The following SMC3 variants were observed in gnomAD, a reference collection of about 807,000 sequenced individuals.
SMC3 encodes structural maintenance of chromosomes 3.
In SMC3, 20 loss-of-function variants were observed where a neutral mutation model predicts 171.8. The observed-to-expected ratio is 0.12, with a 90% CI of 0.08 to 0.17. SMC3 has a LOEUF of 0.17. SMC3 is among the 10% of genes least tolerant of loss of function. SMC3 has a pLI of 1.00. For synonymous variants in SMC3, 464 were observed against 451.1 expected (o/e 1.03, Z -0.36); for missense variants, 543 against 1,420.4 (o/e 0.38, Z 9.93).
At chr10:110,595,368 T>C (rs761562251) in intron 18 of SMC3, among the ~76,000 whole-genome samples, 14 of 152,208 alleles carry the variant, frequency 9.2e-5, no homozygotes, top group Non-Finnish European at 1.6e-4. Flanking sequence ...ATTTGTCTTA[T>C]TGCTTCCTCA....
chr10:110,594,113 G>C (rs1053747187), intron 18 of SMC3, among the ~76,000 whole-genome samples: 7 of 152,112 alleles, frequency 4.6e-5, no homozygotes, highest in Non-Finnish European at 1.0e-4. Context: ...TGATCATATA[G>C]CAGGGGTTCT....
Position 110,601,154 on chromosome 10 carries a change from T to C in SMC3, c.2644+24T>C, listed in dbSNP as rs188070109. The C allele has an allele frequency of 1.1e-3, 1,625 of 1,521,186 alleles. 16 individuals carry two copies. Among genetic ancestry groups the C allele is most frequent in the Non-Finnish European group, 5.0e-4 (547 of 1,095,450 alleles). The allele number at this position is 1,521,186 out of a possible 1,614,324, so 94.2% of individuals were successfully genotyped here. On this transcript the variant is annotated intron_variant, in intron 23 of 28. Transcript: ENST00000361804. ...AGGTGAATTTTTATGTAGTAAAATT[T>C]TGTTTATATGCATGTTTTATAAAAT...
intron 19 of SMC3, among the ~76,000 whole-genome samples, chr10:110,597,071 G>A (rs1451578218): frequency 6.6e-6 from 1 of 151,788 alleles, no homozygotes; most frequent in Non-Finnish European, 1.5e-5. Context: ...TTGAGCCTGG[G>A]AGGTGGAGGT....
In SMC3 at chr10:110,577,936, A is replaced by T. The variant is rs201779371; in HGVS notation, c.350+22A>T. The T allele has an allele frequency of 2.0e-4, 302 of 1,490,504 alleles. 2 individuals are homozygous for T. The East Asian group carries it at 6.2e-3, about 31-fold the overall frequency. 92.3% of individuals were successfully genotyped at this position (1,490,504 alleles called of 1,614,324 possible). The stretch of plus-strand genomic sequence containing the variant: ...TCACGTAAGCATTTTTCTTTTTTTT[A>T]AAAAAACTGAATATGTACTTAAATA... On this transcript the variant is annotated intron_variant, in intron 6 of 28. Transcript: ENST00000361804.
At chr10:110,601,189 C>A in intron 23 of SMC3, 59 bp downstream of exon 23, 2 of 1,207,020 alleles carry the variant, frequency 1.7e-6, no homozygotes, top group Non-Finnish European at 2.5e-6. Flanking sequence ...TTGTTTACTA[C>A]AGAATGAAAT....
At chr10:110,599,069 A>G (rs1211418596) in intron 20 of SMC3, among the ~76,000 whole-genome samples, 2 of 151,742 alleles carry the variant, frequency 1.3e-5, no homozygotes, top group Non-Finnish European at 2.9e-5. Context: ...ATGTGCCTAC[A>G]GTTGTACCAT....
At position 110,584,392 on chromosome 10, in the gene SMC3, A is replaced by G. The variant is rs748720164; in HGVS notation, c.1301A>G (p.Tyr434Cys). The G allele has an allele frequency of 1.2e-6, 2 of 1,606,544 alleles. No individual in the cohort carries two copies. The highest frequency in any genetic ancestry group is 1.7e-5 in the Admixed American group (1 of 59,906). Residue 434 changes from tyrosine (Y) to cysteine (C), a missense_variant, in exon 13 of 29, where the codon TAT becomes TGT. By Grantham distance (194) the Tyr-to-Cys change is radical. This residue lies in a region of SMC3 where 218 missense variants were observed against 509.6 expected (regional missense o/e 0.43). Transcript: ENST00000361804. ...EANKEKNLEQ[Y>C]NKLDQDLNEV... ...AATAAAGAGAAAAATCTGGAGCAGT[A>G]TAATGTAAGAACTTCTATAGCTGCT...
intron 2 of SMC3, among the ~76,000 whole-genome samples, chr10:110,572,979 A>T (rs999376575): frequency 2.0e-5 from 3 of 152,240 alleles, no homozygotes; most frequent in South Asian, 2.1e-4. Context: ...TGTGTCTGTC[A>T]TATGCGTTTT....
chr10:110,599,571 A>G (rs917859514), intron 20 of SMC3, 83 bp from the exon 21 acceptor site: 2 of 1,275,594 alleles, frequency 1.6e-6, no homozygotes, highest in South Asian at 1.4e-5. Flanking sequence ...ATTTAGCTCA[A>G]TCAAATATAG....
chr10:110,577,816 CT>C lies in SMC3; in HGVS notation c.271-15del. On this transcript the variant is annotated intron_variant, in intron 5 of 28. Coordinates refer to ENST00000361804, the MANE Select transcript of SMC3 (RefSeq NM_005445.4). ...CCTTTACTATTAAATTAACTGTGGG[CT>C]TTTACATTTTTTCTTAGATCGATAA... 6.4e-7 allele frequency: 1 copy of C among 1,563,782 alleles called. No individual in the cohort carries two copies.
chr10:110,585,793 T>G (rs1255797144), intron 13 of SMC3, among the ~76,000 whole-genome samples: 1 of 151,798 alleles, frequency 6.6e-6, no homozygotes, highest in African/African-American at 2.4e-5. Context: ...ATATAATTAT[T>G]TGTCCCTAAT....
intron 2 of SMC3, among the ~76,000 whole-genome samples, chr10:110,573,129 G>A (rs2134713061): frequency 6.6e-6 from 1 of 152,160 alleles, no homozygotes; most frequent in Non-Finnish European, 1.5e-5. Flanking sequence ...TTATTTATGA[G>A]TCTTAACACT....
rs1222413620 is a variant in SMC3, at chr10:110,601,109, G to T, written c.2623G>T (p.Asp875Tyr). ...TGAAGCCATCAATAAAAGAGTAAAA[G>T]ACACTATGGCACGATCAGAAGGTGA... The part of the protein sequence containing the change: ...ELEAINKRVK[D>Y]TMARSEDLDN... The change falls in exon 23 of 29, where the codon GAC becomes TAC. Residue 875 changes from aspartate (D) to tyrosine (Y), a missense_variant. This residue lies in a region of SMC3 where 81 missense variants were observed against 184.2 expected (regional missense o/e 0.44). Coordinates refer to ENST00000361804, the MANE Select transcript of SMC3 (RefSeq NM_005445.4). The T allele has an allele frequency of 2.5e-6, 4 of 1,613,178 alleles. No homozygotes were observed. The African/African-American group carries it at 4.0e-5, about 16-fold the overall frequency.
chr10:110,600,372 G>A lies in SMC3; in HGVS notation c.2428-67G>A, dbSNP rs970903117. ...ATGAGCACAAGTACTAGAGAGGACAGCAAATGAGCACCATTCCTGTGTGTG... is the reference window on the plus strand; with the variant it reads ...ATGAGCACAAGTACTAGAGAGGACAACAAATGAGCACCATTCCTGTGTGTG... On this transcript the variant is annotated intron_variant, in intron 21 of 28. Coordinates refer to ENST00000361804, the MANE Select transcript of SMC3 (RefSeq NM_005445.4). The A allele has an allele frequency of 3.5e-5, 29 of 816,916 alleles. 1 individual carries two copies. The Admixed American group carries it at 5.0e-4, about 14-fold the overall frequency. The allele number at this position is 816,916 out of a possible 1,614,324, so 50.6% of individuals were successfully genotyped here. A position where few individuals can be genotyped will look rare whatever the true frequency, so the allele number is the denominator to read the frequency against.
chr10:110,586,543 G>T lies in SMC3; in HGVS notation c.1305+2147G>T, dbSNP rs79029253. Among the ~76,000 whole-genome samples the T allele has an allele frequency of 8.5e-3, 1,297 of 152,248 alleles. 15 individuals are homozygous for T. Among genetic ancestry groups the T allele is most frequent in the African/African-American group, 0.029 (1,186 of 41,536 alleles). On this transcript the variant is annotated intron_variant, in intron 13 of 28. Transcript: ENST00000361804. Reference sequence around the variant, plus strand: ...AGAGAATTTATTCATTTTTTGTCATGCTTGAAGTTCATTATTTTCCAGTAT... The same window carrying T: ...AGAGAATTTATTCATTTTTTGTCATTCTTGAAGTTCATTATTTTCCAGTAT...
intron 2 of SMC3, among the ~76,000 whole-genome samples, chr10:110,569,682 T>C (rs1414283308): frequency 1.3e-5 from 2 of 152,168 alleles, no homozygotes; most frequent in Admixed American, 1.3e-4. Context: ...TCTGAGAAGC[T>C]TCAGTTTTCT....
At chr10:110,597,686 G>A (rs924950430) in intron 19 of SMC3, among the ~76,000 whole-genome samples, 1 of 152,204 alleles carries the variant, frequency 6.6e-6, no homozygotes, top group African/African-American at 2.4e-5. Context: ...TGTTGACAGT[G>A]TATACCAGCT....
At chr10:110,586,323 C>G (rs1211304158) in intron 13 of SMC3, among the ~76,000 whole-genome samples, 1 of 152,028 alleles carries the variant, frequency 6.6e-6, no homozygotes, top group East Asian at 1.9e-4. Flanking sequence ...TTTTGGAAGT[C>G]CAGTCGTGCT....
At position 110,571,546 on chromosome 10, in the gene SMC3, C is replaced by G. The variant is rs558682024; in HGVS notation, c.92-2161C>G. On this transcript the variant is annotated intron_variant, in intron 2 of 28. Coordinates refer to ENST00000361804, the MANE Select transcript of SMC3 (RefSeq NM_005445.4). ...GATTGTGGTGCTCTGGGAACTAACA[C>G]CCGGAAGTAGTCAGGGAGTTATAGC... Among the ~76,000 whole-genome samples, 4 of 152,326 alleles carry G rather than the reference C, an allele frequency of 2.6e-5. No homozygotes were observed. In the South Asian group the frequency reaches 6.2e-4, roughly 24 times the overall value.
Sources: allele counts gnomAD v4.1 joint callset (sites outside exome capture counted in the v4.1 genomes callset), GRCh38; gene constraint gnomAD v4.1.1; regional missense constraint gnomAD v4.1.1; transcripts MANE v1.5; gene names NCBI Gene and HGNC (gene_info 2026-07-23, HGNC 2026-07-21).